The following HNF4A variants were observed in gnomAD, a reference collection of about 807,000 sequenced individuals.
The protein encoded by HNF4A is hepatocyte nuclear factor 4 alpha, also known as hepatocyte nuclear factor 4-alpha.
HNF4A carries 15 observed loss-of-function variants against 52.4 expected under a neutral mutation model. The observed-to-expected ratio is 0.29, with a 90% CI of 0.19 to 0.44. The LOEUF (loss-of-function observed/expected upper bound fraction) is 0.44. Among genes scored for constraint, HNF4A ranks in the 20% least tolerant of loss-of-function variants. HNF4A has a pLI of 1.00. For synonymous variants in HNF4A, 280 were observed against 264.4 expected, an observed-to-expected ratio of 1.06 and a Z score of -0.57; for missense variants, 479 against 647.2, an observed-to-expected ratio of 0.74 and a Z score of 2.82.
At chr20:44,418,700 A>C (rs746375200) in intron 6 of HNF4A, among the ~76,000 whole-genome samples, 188 bp downstream of exon 6, 3 of 152,240 alleles carry the variant, frequency 2.0e-5, no homozygotes, top group Non-Finnish European at 4.4e-5. Context: ...ACTCAGATGC[A>C]AGGAAATGTG....
intron 7 of HNF4A, among the ~76,000 whole-genome samples, chr20:44,420,810 C>T (rs913770962): frequency 3.3e-5 from 5 of 151,994 alleles, no homozygotes; most frequent in African/African-American, 1.2e-4. Context: ...AAAGCAAGAC[C>T]TCATCTAAAA....
intron 3 of HNF4A, among the ~76,000 whole-genome samples, chr20:44,408,412 A>G (rs2063533466): frequency 6.6e-6 from 1 of 152,182 alleles, no homozygotes; most frequent in South Asian, 2.1e-4. Flanking sequence ...AAGGGAAGCA[A>G]AAATCTTTTA....
chr20:44,384,293 T>C (rs945039555), intron 1 of HNF4A, among the ~76,000 whole-genome samples: 3 of 152,046 alleles, frequency 2.0e-5, no homozygotes, highest in African/African-American at 7.2e-5. Flanking sequence ...TTTCTACTTA[T>C]GATACTGTTT....
chr20:44,366,711 T>G (rs1002465700), intron 1 of HNF4A, among the ~76,000 whole-genome samples: 1 of 152,220 alleles, frequency 6.6e-6, no homozygotes, highest in Non-Finnish European at 1.5e-5. Flanking sequence ...CAAACACTTT[T>G]AAATCTTTGT....
intron 1 of HNF4A, among the ~76,000 whole-genome samples, chr20:44,378,459 G>A (rs900437689): frequency 6.6e-6 from 1 of 151,784 alleles, no homozygotes; most frequent in Non-Finnish European, 1.5e-5. Flanking sequence ...GTAGAGACAG[G>A]GTTTCACTAT....
upstream of HNF4A, among the ~76,000 whole-genome samples, chr20:44,397,395 A>AT (rs1041305892): frequency 1.3e-5 from 2 of 152,216 alleles, no homozygotes; most frequent in African/African-American, 4.8e-5. Context: ...GAGCACATGT[A>AT]TTTTGATACA....
intron 1 of HNF4A, among the ~76,000 whole-genome samples, chr20:44,356,940 T>C (rs1327565206): frequency 1.3e-5 from 2 of 152,198 alleles, no homozygotes; most frequent in African/African-American, 4.8e-5. Context: ...TTGCTTTCTT[T>C]CTGAAGTGGA....
intron 1 of HNF4A, among the ~76,000 whole-genome samples, chr20:44,374,998 A>T (rs1300321733): frequency 6.6e-6 from 1 of 152,156 alleles, no homozygotes; most frequent in Non-Finnish European, 1.5e-5. Flanking sequence ...CCTTGCCAAC[A>T]TCTGTTATTT....
rs143267198 is a variant in HNF4A at position 44,383,914 on chromosome 20, G to A, written c.50-22144G>A. Among the ~76,000 whole-genome samples the A allele has an allele frequency of 9.7e-3, 1,442 of 148,954 alleles. 17 individuals carry two copies. Among genetic ancestry groups the A allele is most frequent in the African/African-American group, 0.033 (1,331 of 40,336 alleles). On this transcript the variant is annotated intron_variant, in intron 1 of 9. Coordinates refer to the HNF4A transcript ENST00000316673. The stretch of plus-strand genomic sequence containing the variant: ...TGCCCAGGCTGGAGTGCAATGGAGC[G>A]ATCTCGGCTCACTGCAACCTCCGCC...
At chr20:44,361,735 T>C (rs1266233905) in intron 1 of HNF4A, among the ~76,000 whole-genome samples, 1 of 151,962 alleles carries the variant, frequency 6.6e-6, no homozygotes, top group Non-Finnish European at 1.5e-5. Flanking sequence ...ACAACTTTGC[T>C]TCAGATCTTA....
intron 1 of HNF4A, among the ~76,000 whole-genome samples, chr20:44,379,881 A>C (rs1488296861): frequency 2.0e-5 from 3 of 151,940 alleles, no homozygotes; most frequent in Admixed American, 6.6e-5. Flanking sequence ...TTACAGATGC[A>C]TGCCACCATG....
chr20:44,365,575 C>T (rs1009917970), intron 1 of HNF4A, among the ~76,000 whole-genome samples: 10 of 151,964 alleles, frequency 6.6e-5, no homozygotes, highest in Non-Finnish European at 1.0e-4. Flanking sequence ...TGAATTTAGG[C>T]GAAGGGATAC....
Position 44,404,779 on chromosome 20 carries a change from G to GTTTGTTGATGTGTGTGTA in HNF4A, c.116-1278_116-1277insTTGTTGATGTGTGTGTAT, listed in dbSNP as rs2063463066. Among the ~76,000 whole-genome samples, 10 of 90,086 alleles carry GTTTGTTGATGTGTGTGTA rather than the reference G, an allele frequency of 1.1e-4. 1 individual carries two copies. Among genetic ancestry groups the GTTTGTTGATGTGTGTGTA allele is most frequent in the African/African-American group, 1.7e-4 (4 of 22,946 alleles). 59.1% of individuals were successfully genotyped at this position (90,086 alleles called of 152,430 possible). A position where few individuals can be genotyped will look rare whatever the true frequency, so the allele number is the denominator to read the frequency against. On this transcript the variant is annotated intron_variant, in intron 1 of 9. Coordinates refer to ENST00000316099, the MANE Select transcript of HNF4A (RefSeq NM_000457.6). The stretch of plus-strand genomic sequence containing the variant: ...TGTACACATGTGTGTATATATGTGT[G>GTTTGTTGATGTGTGTGTA]TGTGTGCGTGTGTCTGTGTGGTGTG...
At chr20:44,379,163 T>A (rs769318791) in intron 1 of HNF4A, among the ~76,000 whole-genome samples, 1 of 152,170 alleles carries the variant, frequency 6.6e-6, no homozygotes, top group Non-Finnish European at 1.5e-5. Context: ...TTCCATTGTA[T>A]GCATATACCA....
chr20:44,411,796 C>T (rs12481425), intron 3 of HNF4A, among the ~76,000 whole-genome samples: 22,639 of 152,064 alleles, frequency 0.15, 2,087 homozygotes, highest in Non-Finnish European at 0.21. Flanking sequence ...TGTGGTGCCT[C>T]GCACCTGTAA....
chr20:44,394,615 ATC>A (rs2063336347), intron 1 of HNF4A, among the ~76,000 whole-genome samples: 1 of 152,156 alleles, frequency 6.6e-6, no homozygotes, highest in Non-Finnish European at 1.5e-5. Flanking sequence ...AGCTGCCTTT[ATC>A]TCTCTTTGGT....
At chr20:44,417,471 C>A (rs190449039) in intron 5 of HNF4A, among the ~76,000 whole-genome samples, 387 of 152,258 alleles carry the variant, frequency 2.5e-3, no homozygotes, top group African/African-American at 8.9e-3. Context: ...AAGGACCAGC[C>A]CTGAGACCTA....
chr20:44,413,714 C>A lies in HNF4A; in HGVS notation c.406C>A (p.Arg136=). 1 of 1,613,738 alleles carries A rather than the reference C, an allele frequency of 6.2e-7. No homozygotes were observed. Among genetic ancestry groups the A allele is most frequent in the Non-Finnish European group, 8.5e-7 (1 of 1,179,834 alleles). ...CACAGCCGTCCAGAATGAGCGGGAC[C>A]GGATCAGCACTCGAAGGTCAAGCTA... The change falls in exon 4 of 10, where the codon CGG becomes AGG. Residue 136 remains arginine (R), a synonymous_variant. Coordinates refer to ENST00000316099, the MANE Select transcript of HNF4A (RefSeq NM_000457.6).
chr20:44,392,277 C>G (rs2063310448), intron 1 of HNF4A, among the ~76,000 whole-genome samples: 1 of 152,140 alleles, frequency 6.6e-6, no homozygotes, highest in African/African-American at 2.4e-5. Flanking sequence ...GATCATCATT[C>G]CCTCTTTACA....
Sources: allele counts gnomAD v4.1 joint callset (sites outside exome capture counted in the v4.1 genomes callset), GRCh38; gene constraint gnomAD v4.1.1; transcripts MANE v1.5; gene names NCBI Gene and HGNC (gene_info 2026-07-23, HGNC 2026-07-21).